Variants in KCNMA1 observed in about 807,000 individuals in gnomAD.
The protein encoded by KCNMA1 is Calcium-activated potassium channel subunit alpha-1.
In KCNMA1, 29 loss-of-function variants were observed where a neutral mutation model predicts 140.0. The observed-to-expected ratio is 0.21, with a 90% CI of 0.15 to 0.28. The LOEUF is 0.28. Among genes scored for constraint, KCNMA1 ranks in the 10% least tolerant of loss-of-function variants. The pLI, the probability that KCNMA1 is intolerant of heterozygous loss-of-function variation, is 1.00. For missense variants in KCNMA1, 880 were observed against 1,602.2 expected, an observed-to-expected ratio of 0.55 and a Z score of 7.70; for synonymous variants, 612 against 611.9, an observed-to-expected ratio of 1.00 and a Z score of 0.00.
In KCNMA1 at chr10:77,637,608, CTG is replaced by C. The variant is rs1491444410; in HGVS notation, c.33_34del (p.Ser11ArgfsTer13). The C allele has an allele frequency of 2.1e-4, 327 of 1,522,460 alleles. No homozygotes were observed. Among genetic ancestry groups the C allele is most frequent in the Non-Finnish European group, 2.8e-4 (315 of 1,138,708 alleles). 94.3% of individuals were successfully genotyped at this position (1,522,460 alleles called of 1,614,324 possible). On this transcript the variant is annotated frameshift_variant, in exon 1 of 28. Transcript: ENST00000286628. LOFTEE classifies it high-confidence loss of function. ...GCCTCCGCCGCCGCCGCCGCCGCCG[CTG>C]CTGCCGCCGCCGCCGCCGCCACCAT... is the stretch of plus-strand genomic sequence containing the variant.
intron 26 of KCNMA1, 63 bp downstream of exon 26, chr10:76,891,462 G>T: frequency 7.6e-7 from 1 of 1,319,636 alleles, no homozygotes; most frequent in Non-Finnish European, 1.1e-6. Context: ...CTGATACCAC[G>T]TTCTTCAGGA....
At chr10:77,584,575 T>C (rs979557170) in intron 1 of KCNMA1, among the ~76,000 whole-genome samples, 2 of 152,126 alleles carry the variant, frequency 1.3e-5, no homozygotes, top group African/African-American at 2.4e-5. Flanking sequence ...GCCAGGGTGG[T>C]CTCGATCTCT....
At chr10:77,109,955 C>T (rs996233480) in intron 8 of KCNMA1, among the ~76,000 whole-genome samples, 7 of 152,094 alleles carry the variant, frequency 4.6e-5, no homozygotes, top group African/African-American at 9.7e-5. Flanking sequence ...TGGCTGTCCC[C>T]GACAAGGGCA....
At chr10:77,527,842 G>T (rs1240538632) in intron 1 of KCNMA1, among the ~76,000 whole-genome samples, 2 of 152,076 alleles carry the variant, frequency 1.3e-5, no homozygotes, top group East Asian at 3.9e-4. Context: ...ATCCCCAGGG[G>T]CTGGCTCGGG....
chr10:77,090,368 C>A (rs1190679526), intron 10 of KCNMA1, 32 bp downstream of exon 10: 1 of 1,395,238 alleles, frequency 7.2e-7, no homozygotes, highest in South Asian at 1.2e-5. Flanking sequence ...TGTGGTTGGG[C>A]AGAGGGTCTG....
chr10:76,991,267 G>A (rs1489408435), intron 19 of KCNMA1, among the ~76,000 whole-genome samples: 1 of 152,212 alleles, frequency 6.6e-6, no homozygotes, highest in African/African-American at 2.4e-5. Context: ...ATTTTCCAGA[G>A]CAAATGCTCT....
chr10:77,562,626 G>A lies in KCNMA1; in HGVS notation c.378+74639C>T, dbSNP rs976495879. On this transcript the variant is annotated intron_variant, in intron 1 of 27. Transcript: ENST00000286628. ...TCTCACATGACAATGCAATTCCCTA[G>A]GCCCAGCATTCCCTCTAGACACTTG... Among the ~76,000 whole-genome samples, 4 of 152,056 alleles carry A rather than the reference G, an allele frequency of 2.6e-5. No homozygotes were observed. The South Asian group carries it at 8.3e-4, about 32-fold the overall frequency.
chr10:77,578,319 C>T (rs2074857626), intron 1 of KCNMA1, among the ~76,000 whole-genome samples: 1 of 152,218 alleles, frequency 6.6e-6, no homozygotes, highest in South Asian at 2.1e-4. Flanking sequence ...CGCTGATCAG[C>T]CCGGTGGCCA....
intron 14 of KCNMA1, among the ~76,000 whole-genome samples, chr10:77,068,852 AAC>A (rs147592319): frequency 0.016 from 2,118 of 133,666 alleles, 31 homozygotes; most frequent in East Asian, 0.029. Context: ...TCACCCTCTA[AAC>A]ACACACACAC....
At chr10:77,362,378 C>G (rs1475917956) in intron 2 of KCNMA1, among the ~76,000 whole-genome samples, 1 of 142,968 alleles carries the variant, frequency 7.0e-6, no homozygotes, top group Non-Finnish European at 1.5e-5. Flanking sequence ...CACACACACA[C>G]ACACGATGCT....
intron 2 of KCNMA1, among the ~76,000 whole-genome samples, chr10:77,345,950 C>G (rs976423077): frequency 2.0e-5 from 3 of 152,174 alleles, no homozygotes; most frequent in Non-Finnish European, 2.9e-5. Flanking sequence ...TAGCTCTATC[C>G]CCTTGAGCCA....
chr10:76,993,213 AG>A lies in KCNMA1; in HGVS notation c.2266+8193del, dbSNP rs145816344. 4.7e-3 allele frequency among the ~76,000 whole-genome samples: 715 copies of A among 152,314 alleles called. 4 individuals are homozygous for A. The highest frequency in any genetic ancestry group is 0.016 in the African/African-American group (674 of 41,568). ...TCACCTTCAACACACTCAAGATGTAAGATATATTTGAACTGGGGAAGATGAT... is the reference window on the plus strand; with the variant it reads ...TCACCTTCAACACACTCAAGATGTAAATATATTTGAACTGGGGAAGATGAT... On this transcript the variant is annotated intron_variant, in intron 19 of 27. Transcript: ENST00000286628.
intron 1 of KCNMA1, among the ~76,000 whole-genome samples, chr10:77,520,196 GTGTGCAGTGTGAGGT>G (rs2052701440): frequency 6.8e-6 from 1 of 146,238 alleles, no homozygotes; most frequent in Non-Finnish European, 1.5e-5. Flanking sequence ...CAGTGTGAGG[GTGTGCAGTGTGAGGT>G]CTGGGGTATG....
chr10:77,358,775 C>A (rs2093703635), intron 2 of KCNMA1, among the ~76,000 whole-genome samples: 2 of 152,210 alleles, frequency 1.3e-5, no homozygotes, highest in African/African-American at 4.8e-5. Context: ...TACTTACAAT[C>A]CTAAAAGAGG....
chr10:76,928,101 T>C (rs1377135777), intron 23 of KCNMA1, among the ~76,000 whole-genome samples: 1 of 152,110 alleles, frequency 6.6e-6, no homozygotes, highest in Non-Finnish European at 1.5e-5. Context: ...GAGTTGGAGA[T>C]GGGAGGACGG....
intron 5 of KCNMA1, among the ~76,000 whole-genome samples, chr10:77,147,429 C>T (rs925701879): frequency 2.0e-5 from 3 of 152,044 alleles, no homozygotes; most frequent in African/African-American, 7.2e-5. Context: ...CAGCCTCCCT[C>T]CCTCCTTCCC....
At chr10:76,998,018 C>T (rs558092391) in intron 19 of KCNMA1, among the ~76,000 whole-genome samples, 1 of 152,310 alleles carries the variant, frequency 6.6e-6, no homozygotes, top group East Asian at 1.9e-4. Context: ...CTTTCCTAAA[C>T]TAGTCCTTCC....
chr10:77,315,619 T>C (rs1196787984), intron 2 of KCNMA1: 1 of 152,200 alleles, frequency 6.6e-6, no homozygotes, highest in East Asian at 1.9e-4. Context: ...TGCATAATTG[T>C]CCTGGCTGGT....
rs571161712 is a variant in KCNMA1, at chr10:76,952,345, C to A, written c.2484+1456G>T. Among the ~76,000 whole-genome samples the A allele has an allele frequency of 1.5e-3, 235 of 152,198 alleles. 3 individuals are homozygous for A. Among genetic ancestry groups the A allele is most frequent in the African/African-American group, 5.5e-3 (228 of 41,516 alleles). ...ACCATCCTGGCCAATATGGTGAAAC[C>A]CTGTCTCTACTAAAAATACAAAAAA... On this transcript the variant is annotated intron_variant, in intron 21 of 27. Transcript: ENST00000286628.
Sources: allele counts gnomAD v4.1 joint callset (sites outside exome capture counted in the v4.1 genomes callset), GRCh38; gene constraint gnomAD v4.1.1; transcripts MANE v1.5; gene names NCBI Gene and HGNC (gene_info 2026-07-23, HGNC 2026-07-21).